Variants in MEF2C observed in about 807,000 individuals in gnomAD.
MEF2C encodes myocyte enhancer factor 2C, also known as myocyte-specific enhancer factor 2C.
In MEF2C, 6 loss-of-function variants were observed where a neutral mutation model predicts 50.5. The ratio of observed to expected loss-of-function variants is 0.12; its 90% CI spans 0.07 to 0.23. The LOEUF (loss-of-function observed/expected upper bound fraction) is 0.23. Among genes scored for constraint, MEF2C ranks in the 10% least tolerant of loss-of-function variants. The pLI, the probability that MEF2C is intolerant of heterozygous loss-of-function variation, is 1.00. For synonymous variants in MEF2C, 183 were observed against 228.0 expected, an observed-to-expected ratio of 0.80 and a Z score of 1.78; for missense variants, 276 against 605.0, an observed-to-expected ratio of 0.46 and a Z score of 5.70.
chr5:88,801,809 G>C (rs1386856630), intron 3 of MEF2C, among the ~76,000 whole-genome samples: 1 of 152,052 alleles, frequency 6.6e-6, no homozygotes, highest in Non-Finnish European at 1.5e-5. Context: ...TTTTATAAAT[G>C]CAACTTCCAA....
chr5:88,791,238 C>T (rs1287894848), intron 3 of MEF2C, among the ~76,000 whole-genome samples: 1 of 152,042 alleles, frequency 6.6e-6, no homozygotes, highest in African/African-American at 2.4e-5. Context: ...AATTATCATC[C>T]AGGCTATATA....
intron 1 of MEF2C, among the ~76,000 whole-genome samples, chr5:88,863,577 C>T (rs148161317): frequency 1.3e-4 from 20 of 152,298 alleles, no homozygotes; most frequent in African/African-American, 4.8e-4. Context: ...AATACCAGAA[C>T]TTATTCCTCC....
intron 4 of MEF2C, among the ~76,000 whole-genome samples, chr5:88,759,620 T>C (rs1299193296): frequency 6.6e-6 from 1 of 152,244 alleles, no homozygotes; most frequent in Non-Finnish European, 1.5e-5. Context: ...TGGCTACATA[T>C]AATACTAAAT....
Position 88,743,997 on chromosome 5 carries a change from A to G in MEF2C, c.637+5073T>C, listed in dbSNP as rs913039518. 5 of 959,636 alleles carry G rather than the reference A, an allele frequency of 5.2e-6. No homozygotes were observed. The African/African-American group carries it at 7.1e-5, about 14-fold the overall frequency. 59.4% of individuals were successfully genotyped at this position (959,636 alleles called of 1,614,324 possible). Reference sequence around the variant, plus strand: ...TTGTAAAATTATCTTAAATGTTCAAAGGAATTCCTAAAGGTTTTTCATTTC... The same window carrying G: ...TTGTAAAATTATCTTAAATGTTCAAGGGAATTCCTAAAGGTTTTTCATTTC... On this transcript the variant is annotated intron_variant, in intron 6 of 10. Transcript: ENST00000504921.
intron 10 of MEF2C, among the ~76,000 whole-genome samples, chr5:88,727,773 A>T (rs1031805700): frequency 8.0e-5 from 12 of 150,648 alleles, no homozygotes; most frequent in East Asian, 5.9e-4. Context: ...AAGCTTTTTT[A>T]AAAAAATGAT....
rs567151264 is a variant in MEF2C at position 88,871,435 on chromosome 5, G to C, written c.-143+11520C>G. ...AGCTGTCCATGCTGTTTTACCATAG[G>C]GAAGTCCACTCTGCAAGTATTCCTT... On this transcript the variant is annotated intron_variant, in intron 1 of 10. Coordinates refer to ENST00000504921, the MANE Select transcript of MEF2C (RefSeq NM_002397.5). Among the ~76,000 whole-genome samples the C allele has an allele frequency of 5.3e-5, 8 of 151,976 alleles. No homozygotes were observed. In the East Asian group the frequency reaches 9.6e-4, roughly 18 times the overall value.
intron 6 of MEF2C, chr5:88,735,082 G>A: frequency 1.0e-6 from 1 of 985,296 alleles, no homozygotes; most frequent in Non-Finnish European, 1.2e-6. Flanking sequence ...CAAGACTGTG[G>A]ATCCTAAACC....
At chr5:88,840,949 G>C (rs1817113881) in intron 1 of MEF2C, among the ~76,000 whole-genome samples, 1 of 152,056 alleles carries the variant, frequency 6.6e-6, no homozygotes, top group Admixed American at 6.6e-5. Flanking sequence ...TATTCTCATA[G>C]CACCAGTTCT....
intron 1 of MEF2C, among the ~76,000 whole-genome samples, chr5:88,888,721 T>TTG (rs1554056958): frequency 2.2e-5 from 1 of 44,570 alleles, no homozygotes; most frequent in Non-Finnish European, 4.7e-5. Context: ...TATGGTAAGG[T>TTG]TTTTTTTTTT....
intron 3 of MEF2C, among the ~76,000 whole-genome samples, chr5:88,785,907 G>A (rs755539043): frequency 6.6e-6 from 1 of 152,134 alleles, no homozygotes; most frequent in Non-Finnish European, 1.5e-5. Flanking sequence ...AGAGAGTCGG[G>A]CCTGTGGTTT....
intron 1 of MEF2C, among the ~76,000 whole-genome samples, chr5:88,891,703 C>T (rs1388291466): frequency 6.6e-6 from 1 of 152,126 alleles, no homozygotes; most frequent in Admixed American, 6.6e-5. Context: ...AACCACTGCA[C>T]CCGGCCCAAA....
intron 1 of MEF2C, among the ~76,000 whole-genome samples, chr5:88,858,098 T>C (rs1382404637): frequency 6.6e-6 from 1 of 152,228 alleles, no homozygotes; most frequent in African/African-American, 2.4e-5. Context: ...TTTTGACAAA[T>C]TGAGGCATTT....
chr5:88,837,122 T>C (rs1815470280), intron 1 of MEF2C, among the ~76,000 whole-genome samples: 1 of 152,166 alleles, frequency 6.6e-6, no homozygotes, highest in South Asian at 2.1e-4. Flanking sequence ...CTGGACTATT[T>C]CCCAATATAT....
chr5:88,797,991 G>A (rs931531517), intron 3 of MEF2C, among the ~76,000 whole-genome samples: 1 of 152,196 alleles, frequency 6.6e-6, no homozygotes, highest in Non-Finnish European at 1.5e-5. Context: ...CTTCTGGCTT[G>A]TAGGGTTTCT....
chr5:88,778,129 C>T (rs929296582), intron 3 of MEF2C, among the ~76,000 whole-genome samples: 9 of 151,436 alleles, frequency 5.9e-5, no homozygotes, highest in African/African-American at 9.7e-5. Flanking sequence ...AGGATGGTCT[C>T]GATCTCTTGA....
At chr5:88,826,085 C>G (rs1279410758) in intron 1 of MEF2C, among the ~76,000 whole-genome samples, 1 of 151,918 alleles carries the variant, frequency 6.6e-6, no homozygotes, top group Non-Finnish European at 1.5e-5. Context: ...ATGAACCAAA[C>G]TTAGGAGAGT....
intron 5 of MEF2C, chr5:88,751,312 T>C (rs1434424338): frequency 2.0e-6 from 2 of 985,358 alleles, no homozygotes; most frequent in African/African-American, 1.7e-5. Flanking sequence ...ATTAACTTCA[T>C]TTCTGATTCA....
chr5:88,893,325 T>C (rs1834788862), intron 1 of MEF2C, among the ~76,000 whole-genome samples: 1 of 151,660 alleles, frequency 6.6e-6, no homozygotes, highest in Admixed American at 6.6e-5. Flanking sequence ...TTTTCTTTTT[T>C]TTTTTTATGG....
intron 1 of MEF2C, among the ~76,000 whole-genome samples, chr5:88,836,206 A>T (rs1217892878): frequency 6.6e-6 from 1 of 152,304 alleles, no homozygotes; most frequent in East Asian, 1.9e-4. Context: ...AAAGTTTTTT[A>T]AAAATAAAAA....
Sources: allele counts gnomAD v4.1 joint callset (sites outside exome capture counted in the v4.1 genomes callset), GRCh38; gene constraint gnomAD v4.1.1; transcripts MANE v1.5; gene names NCBI Gene and HGNC (gene_info 2026-07-23, HGNC 2026-07-21).